Variants in DYNC1H1 observed in about 807,000 individuals in gnomAD.
DYNC1H1 encodes the protein dynein cytoplasmic 1 heavy chain 1, also known as cytoplasmic dynein 1 heavy chain 1.
DYNC1H1 carries 51 observed loss-of-function variants against 527.1 expected under a neutral mutation model. That is an observed-to-expected ratio of 0.10 (90% CI 0.08 to 0.12). The LOEUF is 0.12. DYNC1H1 is among the 10% of genes least tolerant of loss of function. The probability of loss-of-function intolerance (pLI) is 1.00; values close to 1 mark genes in which losing one functional copy is unlikely to be tolerated. For missense variants in DYNC1H1, 2,771 were observed against 5,971.8 expected, an observed-to-expected ratio of 0.46 and a Z score of 17.66; for synonymous variants, 2,189 against 2,278.8, an observed-to-expected ratio of 0.96 and a Z score of 1.12.
In DYNC1H1 at chr14:102,040,550, C is replaced by G. The variant is rs771712774; in HGVS notation, c.11866-48C>G. 11 of 1,613,426 alleles carry G rather than the reference C, an allele frequency of 6.8e-6. No homozygotes were observed. The South Asian group carries it at 1.1e-4, about 16-fold the overall frequency. On this transcript the variant is annotated intron_variant, in intron 63 of 77. Transcript: ENST00000360184. ...CTCTCGCTCAGTCGTGGGTTCTGCC[C>G]CAGAGGCCAGCCCTGCTCCATGGGT...
At chr14:102,046,092 C>T (rs1375863301) in intron 72 of DYNC1H1, among the ~76,000 whole-genome samples, 1 of 151,624 alleles carries the variant, frequency 6.6e-6, no homozygotes, top group Admixed American at 6.6e-5. Flanking sequence ...GGCGTGAACC[C>T]GGGAGGGGGA....
chr14:101,980,254 A>G, intron 4 of DYNC1H1, 110 bp from the exon 5 acceptor site: 1 of 1,380,074 alleles, frequency 7.2e-7, no homozygotes, highest in South Asian at 1.2e-5. Context: ...CAGGGAAGGA[A>G]ATCTACTTGA....
At position 102,002,627 on chromosome 14, in the gene DYNC1H1, G is replaced by A; in HGVS notation, c.4633G>A (p.Val1545Ile). The change falls in exon 22 of 78, where the codon GTC becomes ATC. Residue 1545 changes from valine (V) to isoleucine (I), a missense_variant. Coordinates refer to ENST00000360184, the MANE Select transcript of DYNC1H1 (RefSeq NM_001376.5). The surrounding 1 kb of genome is among the most constrained non-coding windows in gnomAD (Gnocchi z 4.4). ...DVWIDVQRRW[V>I]YLEGIFTGSA... ...GTGGATTGATGTGCAGAGGCGGTGG[G>A]TCTACCTGGAAGGTATCTTCACAGG... The A allele has an allele frequency of 1.2e-6, 2 of 1,614,194 alleles. No homozygotes were observed. The highest frequency in any genetic ancestry group is 1.7e-6 in the Non-Finnish European group (2 of 1,180,038).
At chr14:102,009,114 G>C (rs968020135) in intron 29 of DYNC1H1, among the ~76,000 whole-genome samples, 1 of 152,166 alleles carries the variant, frequency 6.6e-6, no homozygotes, top group African/African-American at 2.4e-5. Context: ...GCAGCTGTCG[G>C]AGAGGCCCCA....
At chr14:101,966,853 A>G (rs924532002) in intron 1 of DYNC1H1, among the ~76,000 whole-genome samples, 14 of 152,204 alleles carry the variant, frequency 9.2e-5, no homozygotes, top group Non-Finnish European at 1.6e-4. Context: ...TTTATGTAGT[A>G]CAATATCTAC....
chr14:102,009,840 C>T lies in DYNC1H1; in HGVS notation c.5978-3C>T. On this transcript the variant is annotated splice_region_variant and splice_polypyrimidine_tract_variant and intron_variant, in intron 29 of 77. Transcript: ENST00000360184. The stretch of plus-strand genomic sequence containing the variant: ...AGTCTTAACGCTATCATCTCATTCT[C>T]AGCCTCTGCCCCCATTACTTGTGAG... 6.2e-7 allele frequency: 1 copy of T among 1,613,846 alleles called. No individual in the cohort carries two copies. Among genetic ancestry groups the T allele is most frequent in the Non-Finnish European group, 8.5e-7 (1 of 1,179,974 alleles).
intron 11 of DYNC1H1, 86 bp from the exon 12 acceptor site, chr14:101,994,098 A>G: frequency 1.2e-6 from 2 of 1,600,946 alleles, no homozygotes; most frequent in South Asian, 2.2e-5. Flanking sequence ...CTTTTCTTTC[A>G]GTTCATTTTA....
chr14:102,017,479 C>A lies in DYNC1H1; in HGVS notation c.8152C>A (p.Pro2718Thr). The change falls in exon 40 of 78, where the codon CCT becomes ACT. Residue 2718 changes from proline to threonine, a missense_variant. Around this residue, in one of 32 missense-constraint regions of DYNC1H1, gnomAD observed 163 missense variants for 346.9 expected, o/e 0.47. Transcript: ENST00000360184. This position sits in a 1 kb window ranked among gnomAD's most constrained non-coding sequence, Gnocchi z 4.6. ...FVGACNPPTD[P>T]GRKPLSHRFL... ...TGGGGCTTGTAATCCCCCCACAGAC[C>A]CTGGAAGAAAGCCCCTCTCACACAG... 6.2e-7 allele frequency: 1 copy of A among 1,614,142 alleles called. No homozygotes were observed. Among genetic ancestry groups the A allele is most frequent in the Non-Finnish European group, 8.5e-7 (1 of 1,180,016 alleles).
chr14:101,978,940 G>T (rs1002783336), intron 2 of DYNC1H1, among the ~76,000 whole-genome samples: 5 of 152,220 alleles, frequency 3.3e-5, no homozygotes, highest in African/African-American at 9.6e-5. Context: ...AGTAGGACCA[G>T]ACTAAGGGGA....
In DYNC1H1 at chr14:102,044,608, G is replaced by C; in HGVS notation, c.12916G>C (p.Val4306Leu). Reference protein sequence around the residue: ...MPDGIRREEFVQWVELLPDTQ... With the variant: ...MPDGIRREEFLQWVELLPDTQ... ...CTGGTTTTCTAGGCGAGAGGAGTTT[G>C]TGCAGTGGGTGGAGTTGCTCCCCGA... Residue 4306 changes from valine (V) to leucine (L), a missense_variant, in exon 72 of 78, where the codon GTG becomes CTG. This residue lies in a region of DYNC1H1 where 195 missense variants were observed against 428.6 expected (regional missense o/e 0.45). Coordinates refer to ENST00000360184, the MANE Select transcript of DYNC1H1 (RefSeq NM_001376.5). The surrounding 1 kb of genome is among the most constrained non-coding windows in gnomAD (Gnocchi z 7.1). 1 of 1,614,202 alleles carries C rather than the reference G, an allele frequency of 6.2e-7. No individual in the cohort carries two copies. The highest frequency in any genetic ancestry group is 8.5e-7 in the Non-Finnish European group (1 of 1,180,034).
At chr14:101,969,215 T>C (rs1480649135) in intron 1 of DYNC1H1, 1 of 150,754 alleles carries the variant, frequency 6.6e-6, no homozygotes, top group Non-Finnish European at 1.5e-5. Flanking sequence ...AGAGACGGGG[T>C]TTCACCGTGT....
chr14:101,994,178 G>A lies in DYNC1H1; in HGVS notation c.3016-6G>A. On this transcript the variant is annotated splice_polypyrimidine_tract_variant and splice_region_variant and intron_variant, in intron 11 of 77. Coordinates refer to ENST00000360184, the MANE Select transcript of DYNC1H1 (RefSeq NM_001376.5). ...GCTTGCATTCATTTCGGCTTTGGTTGGCTAGGTGGGTGTACATTACGAATT... is the reference window on the plus strand; with the variant it reads ...GCTTGCATTCATTTCGGCTTTGGTTAGCTAGGTGGGTGTACATTACGAATT... 6.2e-7 allele frequency: 1 copy of A among 1,614,098 alleles called. No homozygotes were observed. The highest frequency in any genetic ancestry group is 8.5e-7 in the Non-Finnish European group (1 of 1,180,014).
In DYNC1H1 at chr14:102,009,893, C is replaced by G. The variant is rs2048239251; in HGVS notation, c.6028C>G (p.Pro2010Ala). ...ELLNKQVKVS[P>A]DMAIFITMNP... is the part of the protein sequence containing the mutation. The stretch of plus-strand genomic sequence containing the variant: ...GCTGAACAAACAAGTCAAGGTGAGC[C>G]CGGACATGGCCATCTTCATCACCAT... Residue 2010 changes from proline to alanine, a missense_variant, in exon 30 of 78, where the codon CCG (proline) becomes GCG (alanine). Transcript: ENST00000360184. 1.2e-6 allele frequency: 2 copies of G among 1,614,048 alleles called. No individual in the cohort carries two copies. The highest frequency in any genetic ancestry group is 1.7e-6 in the Non-Finnish European group (2 of 1,180,016).
chr14:102,005,926 C>G lies in DYNC1H1; in HGVS notation c.5472C>G (p.Ser1824=). The part of the protein sequence containing the change: ...ELVHQRDVTR[S]LIKSKIDNAK... Reference sequence around the variant, plus strand: ...TTCACCAGAGAGATGTTACAAGGTCCTTGATCAAAAGCAAGATTGACAACG... The same window carrying G: ...TTCACCAGAGAGATGTTACAAGGTCGTTGATCAAAAGCAAGATTGACAACG... The change falls in exon 27 of 78, where the codon TCC becomes TCG. Residue 1824 remains serine, a synonymous_variant. Coordinates refer to ENST00000360184, the MANE Select transcript of DYNC1H1 (RefSeq NM_001376.5). This position sits in a 1 kb window ranked among gnomAD's most constrained non-coding sequence, Gnocchi z 4.0. 2 of 1,614,238 alleles carry G rather than the reference C, an allele frequency of 1.2e-6. No individual in the cohort carries two copies. Among genetic ancestry groups the G allele is most frequent in the South Asian group, 2.2e-5 (2 of 91,088 alleles).
intron 72 of DYNC1H1, among the ~76,000 whole-genome samples, chr14:102,046,876 G>A (rs2048727138): frequency 6.6e-6 from 1 of 151,288 alleles, no homozygotes; most frequent in Admixed American, 6.6e-5. Flanking sequence ...AGAGCTCACT[G>A]CAGCCTCAGC....
Position 102,005,263 on chromosome 14 carries a change from T to A in DYNC1H1, c.5433+27T>A, listed in dbSNP as rs377669195. 18 of 1,613,492 alleles carry A rather than the reference T, an allele frequency of 1.1e-5. No individual in the cohort carries two copies. The African/African-American group carries it at 2.4e-4, about 22-fold the overall frequency. On this transcript the variant is annotated intron_variant, in intron 26 of 77. Transcript: ENST00000360184. This position sits in a 1 kb window ranked among gnomAD's most constrained non-coding sequence, Gnocchi z 4.0. The stretch of plus-strand genomic sequence containing the variant: ...TTAGTCTCACACCTGACTCCTTCCT[T>A]ACCAGTTAGACTCTTACACCCTCAA...
chr14:101,985,784 T>A lies in DYNC1H1; in HGVS notation c.1559T>A (p.Ile520Asn). 6.2e-7 allele frequency: 1 copy of A among 1,614,086 alleles called. No homozygotes were observed. Among genetic ancestry groups the A allele is most frequent in the East Asian group, 2.2e-5 (1 of 44,868 alleles). Residue 520 changes from isoleucine (I) to asparagine (N), a missense_variant, in exon 8 of 78, where the codon ATT becomes AAT. Coordinates refer to ENST00000360184, the MANE Select transcript of DYNC1H1 (RefSeq NM_001376.5). The surrounding 1 kb of genome is among the most constrained non-coding windows in gnomAD (Gnocchi z 5.9). Reference sequence around the variant, plus strand: ...TTTGATGCTGCAGATGCAAATGCCATTGAGGAAGTAAACCTTGCTTATGAG... The same window carrying A: ...TTTGATGCTGCAGATGCAAATGCCAATGAGGAAGTAAACCTTGCTTATGAG... Reference protein sequence around the residue: ...VLFDAADANAIEEVNLAYENV... With the variant: ...VLFDAADANANEEVNLAYENV...
chr14:101,992,561 C>T (rs1247502297), intron 11 of DYNC1H1, among the ~76,000 whole-genome samples: 1 of 152,184 alleles, frequency 6.6e-6, no homozygotes, highest in Non-Finnish European at 1.5e-5. Context: ...TAGAGCCCAT[C>T]CCCTCACTCT....
chr14:101,971,218 C>T (rs1595593735), intron 1 of DYNC1H1, among the ~76,000 whole-genome samples: 1 of 148,662 alleles, frequency 6.7e-6, no homozygotes, highest in East Asian at 2.0e-4. Flanking sequence ...CCGCCACAGA[C>T]ATGCACCACC....
Sources: allele counts gnomAD v4.1 joint callset (sites outside exome capture counted in the v4.1 genomes callset), GRCh38; gene constraint gnomAD v4.1.1; regional missense constraint gnomAD v4.1.1; non-coding constraint Gnocchi (gnomAD v3.1); transcripts MANE v1.5; gene names NCBI Gene and HGNC (gene_info 2026-07-23, HGNC 2026-07-21).